The following CTNNA2 variants were observed in gnomAD, a reference collection of about 807,000 sequenced individuals.
CTNNA2 encodes catenin alpha 2, also known as catenin alpha-2.
Under a neutral mutation model 101.0 loss-of-function variants are expected in CTNNA2, and 42 were observed. The observed-to-expected ratio is 0.42, with a 90% CI of 0.32 to 0.54. CTNNA2 has a LOEUF of 0.54. Among genes scored for constraint, CTNNA2 ranks in the 20% least tolerant of loss-of-function variants. The pLI is 0.14. For missense variants in CTNNA2, 871 were observed against 1,223.1 expected, an observed-to-expected ratio of 0.71 and a Z score of 4.29; for synonymous variants, 450 against 456.4, an observed-to-expected ratio of 0.99 and a Z score of 0.18.
At chr2:79,526,700 A>C (rs1159133013) in intron 1 of CTNNA2, among the ~76,000 whole-genome samples, 1 of 152,274 alleles carries the variant, frequency 6.6e-6, no homozygotes, top group East Asian at 1.9e-4. Flanking sequence ...TTTTTCAACA[A>C]GGGTGACAAG....
chr2:80,229,806 A>G (rs1030417413), intron 7 of CTNNA2, among the ~76,000 whole-genome samples: 8 of 152,104 alleles, frequency 5.3e-5, no homozygotes, highest in African/African-American at 1.9e-4. Context: ...TCAGGTAAGG[A>G]TGAAAGGGAC....
Position 80,318,534 on chromosome 2 carries a change from C to T in CTNNA2, c.1057-74677C>T, listed in dbSNP as rs547666372. 2.6e-5 allele frequency among the ~76,000 whole-genome samples: 4 copies of T among 152,192 alleles called. No individual in the cohort carries two copies. The East Asian group carries it at 5.8e-4, about 22-fold the overall frequency. Reference sequence around the variant, plus strand: ...TTGGGTTTGAGAATTTCTAAGATCCCGTTGAGCTTTGACATTCATGGGTTT... The same window carrying T: ...TTGGGTTTGAGAATTTCTAAGATCCTGTTGAGCTTTGACATTCATGGGTTT... On this transcript the variant is annotated intron_variant, in intron 7 of 18. Transcript: ENST00000402739.
chr2:80,372,000 G>A (rs1241948112), intron 7 of CTNNA2, among the ~76,000 whole-genome samples: 1 of 152,102 alleles, frequency 6.6e-6, no homozygotes, highest in Non-Finnish European at 1.5e-5. Context: ...TAATAATAAG[G>A]TGGTCATAAA....
At chr2:80,137,734 CT>C (rs200421120) in intron 7 of CTNNA2, among the ~76,000 whole-genome samples, 32,227 of 145,540 alleles carry the variant, frequency 0.22, 3,935 homozygotes, top group South Asian at 0.4. Flanking sequence ...GATCTCCTGC[CT>C]TTTTTTTTTT....
At chr2:79,990,730 T>C (rs1692113797) in intron 7 of CTNNA2, among the ~76,000 whole-genome samples, 1 of 152,242 alleles carries the variant, frequency 6.6e-6, no homozygotes, top group African/African-American at 2.4e-5. Flanking sequence ...GATATTGGTC[T>C]AAAATTCTCT....
chr2:80,253,483 A>G (rs2149109868), intron 7 of CTNNA2, among the ~76,000 whole-genome samples: 1 of 152,222 alleles, frequency 6.6e-6, no homozygotes, highest in Non-Finnish European at 1.5e-5. Flanking sequence ...ATGCTCTCTC[A>G]TCTTGCCTGT....
intron 7 of CTNNA2, among the ~76,000 whole-genome samples, chr2:79,955,373 G>A (rs1405898202): frequency 6.6e-6 from 1 of 152,196 alleles, no homozygotes; most frequent in Non-Finnish European, 1.5e-5. Context: ...GATCTAAAAA[G>A]AAAGGGGGAG....
intron 4 of CTNNA2, among the ~76,000 whole-genome samples, chr2:79,503,771 A>G (rs1558683906): frequency 6.6e-6 from 1 of 152,206 alleles, no homozygotes; most frequent in Non-Finnish European, 1.5e-5. Context: ...CATAATAAAA[A>G]ATGTTTCAAA....
intron 15 of CTNNA2, among the ~76,000 whole-genome samples, chr2:80,593,807 G>T (rs535041353): frequency 6.6e-6 from 1 of 152,140 alleles, no homozygotes; most frequent in Non-Finnish European, 1.5e-5. Context: ...ACTCAAATGC[G>T]TTTCCTTTTA....
intron 7 of CTNNA2, among the ~76,000 whole-genome samples, chr2:80,013,630 C>T (rs1693933397): frequency 6.6e-6 from 1 of 152,154 alleles, no homozygotes; most frequent in African/African-American, 2.4e-5. Context: ...ATCCATCTAA[C>T]CCTGTTGTTC....
chr2:79,844,211 A>G (rs1363113912), intron 3 of CTNNA2, among the ~76,000 whole-genome samples: 1 of 152,174 alleles, frequency 6.6e-6, no homozygotes, highest in Non-Finnish European at 1.5e-5. Flanking sequence ...GAAGACCCTG[A>G]GACTGCCAAG....
chr2:79,706,349 C>T (rs369012967), intron 2 of CTNNA2, among the ~76,000 whole-genome samples: 1 of 114,798 alleles, frequency 8.7e-6, no homozygotes, highest in Non-Finnish European at 1.6e-5. Flanking sequence ...GGCGACAGAG[C>T]GAGACTCCGT....
chr2:80,612,564 T>C (rs1012702078), intron 17 of CTNNA2, among the ~76,000 whole-genome samples: 8 of 151,466 alleles, frequency 5.3e-5, no homozygotes, highest in Non-Finnish European at 1.2e-4. Context: ...AAAGAAAATG[T>C]GGGATATATT....
chr2:80,579,609 C>G (rs944264153), intron 13 of CTNNA2: 3 of 152,160 alleles, frequency 2.0e-5, no homozygotes, highest in Non-Finnish European at 4.4e-5. Context: ...AGAACAAAAC[C>G]TCTTTCTTCT....
At chr2:79,920,179 T>C (rs1686554758) in intron 7 of CTNNA2, among the ~76,000 whole-genome samples, 1 of 152,174 alleles carries the variant, frequency 6.6e-6, no homozygotes, top group East Asian at 1.9e-4. Context: ...ATTGTGTCAC[T>C]GCACTCCAAC....
At chr2:80,210,209 T>G in intron 7 of CTNNA2, among the ~76,000 whole-genome samples, 1 of 152,204 alleles carries the variant, frequency 6.6e-6, no homozygotes, top group East Asian at 1.9e-4. Context: ...CTGAACACAT[T>G]GTTTTTCTTT....
intron 2 of CTNNA2, among the ~76,000 whole-genome samples, chr2:79,207,643 C>T (rs1462907809): frequency 2.6e-5 from 4 of 152,154 alleles, no homozygotes; most frequent in Non-Finnish European, 4.4e-5. Context: ...CCATGAAGAA[C>T]AAGTGGTGGT....
chr2:79,591,486 A>G (rs1339982510), intron 1 of CTNNA2, among the ~76,000 whole-genome samples: 1 of 152,204 alleles, frequency 6.6e-6, no homozygotes, highest in Admixed American at 6.5e-5. Context: ...AAACAGCAGA[A>G]TCTGTCATAA....
At chr2:79,376,964 A>G (rs1677985307) in intron 4 of CTNNA2, among the ~76,000 whole-genome samples, 1 of 152,098 alleles carries the variant, frequency 6.6e-6, no homozygotes. Context: ...GTGTGTCTTT[A>G]TAGCAGCATG....
Sources: allele counts gnomAD v4.1 joint callset (sites outside exome capture counted in the v4.1 genomes callset), GRCh38; gene constraint gnomAD v4.1.1; transcripts MANE v1.5; gene names NCBI Gene and HGNC (gene_info 2026-07-23, HGNC 2026-07-21).